PRKN: variants seen among roughly 807,000 people sequenced by gnomAD.
PRKN encodes the protein parkin RBR E3 ubiquitin protein ligase, also known as E3 ubiquitin-protein ligase parkin.
A neutral mutation model predicts 59.5 loss-of-function variants in PRKN; 56 were observed. The observed-to-expected ratio is 0.94, with a 90% confidence interval of 0.76 to 1.18. The LOEUF is 1.18. Ranked by LOEUF, PRKN falls within the 50% of genes most tolerant of loss-of-function variation. The probability of loss-of-function intolerance (pLI) is 0.00; values close to 1 mark genes in which losing one functional copy is unlikely to be tolerated. For synonymous variants in PRKN, 250 were observed against 222.1 expected (o/e 1.13, Z -1.12); for missense variants, 657 against 596.4 (o/e 1.10, Z -1.06).
intron 9 of PRKN, among the ~76,000 whole-genome samples, chr6:161,536,393 G>T (rs11755180): frequency 1.3e-5 from 2 of 151,250 alleles, no homozygotes; most frequent in Admixed American, 6.6e-5. Context: ...CGGAAAATGA[G>T]GTCATTTCCC....
chr6:162,686,978 G>GTTGTT lies in PRKN; in HGVS notation c.7+40679_7+40683dup, dbSNP rs766806437. Among the ~76,000 whole-genome samples the GTTGTT allele has an allele frequency of 2.0e-4, 30 of 151,858 alleles. 1 individual carries two copies. Among genetic ancestry groups the GTTGTT allele is most frequent in the Admixed American group, 3.3e-4 (5 of 15,248 alleles). ...GCCTGCAGCTTTGTTTTTGGTTGTT[G>GTTGTT]TTGTTTTGTTTTGCTTAGGCTTTGC... On this transcript the variant is annotated intron_variant, in intron 1 of 11. Transcript: ENST00000366898.
intron 6 of PRKN, among the ~76,000 whole-genome samples, chr6:161,951,382 T>C (rs1218170646): frequency 6.6e-6 from 1 of 151,852 alleles, no homozygotes; most frequent in Non-Finnish European, 1.5e-5. Flanking sequence ...CCTGAACTAT[T>C]AACCTTCTTC....
chr6:162,221,626 A>G (rs919634290), intron 3 of PRKN, among the ~76,000 whole-genome samples: 3 of 152,184 alleles, frequency 2.0e-5, no homozygotes, highest in Non-Finnish European at 4.4e-5. Context: ...CCAAGCCAAA[A>G]TTTGACATAG....
intron 2 of PRKN, among the ~76,000 whole-genome samples, chr6:162,313,258 T>C (rs1025617390): frequency 2.6e-5 from 4 of 152,066 alleles, no homozygotes; most frequent in African/African-American, 9.7e-5. Context: ...CATTACACAA[T>C]AACTCTCAAT....
At chr6:161,790,184 CGGG>C (rs1790583095) in intron 6 of PRKN, among the ~76,000 whole-genome samples, 1 of 152,074 alleles carries the variant, frequency 6.6e-6, no homozygotes, top group Non-Finnish European at 1.5e-5. Flanking sequence ...TTTAAAGAAA[CGGG>C]AGGATTGATG....
At chr6:162,648,490 T>C (rs1778287517) in intron 1 of PRKN, among the ~76,000 whole-genome samples, 1 of 152,050 alleles carries the variant, frequency 6.6e-6, no homozygotes, top group Admixed American at 6.6e-5. Context: ...CAAGTGATTC[T>C]CCTGCCTCAG....
chr6:162,556,704 A>T (rs913442252), intron 1 of PRKN, among the ~76,000 whole-genome samples: 2 of 143,562 alleles, frequency 1.4e-5, no homozygotes, highest in Admixed American at 1.5e-4. Context: ...CCGAGATTGC[A>T]CCACTGCACT....
chr6:162,209,245 A>C (rs905137985), intron 3 of PRKN, among the ~76,000 whole-genome samples: 5 of 152,200 alleles, frequency 3.3e-5, no homozygotes, highest in African/African-American at 9.7e-5. Flanking sequence ...AAACAAATTT[A>C]CATGAAAAAA....
intron 5 of PRKN, among the ~76,000 whole-genome samples, chr6:162,000,932 C>T (rs2128262788): frequency 6.6e-6 from 1 of 151,594 alleles, no homozygotes; most frequent in South Asian, 2.1e-4. Context: ...TTCTTTGCTT[C>T]TTTGTTAAAG....
intron 4 of PRKN, among the ~76,000 whole-genome samples, chr6:162,117,225 T>C (rs1347665948): frequency 2.0e-5 from 3 of 152,228 alleles, no homozygotes; most frequent in Admixed American, 6.5e-5. Context: ...AATCTTGTTA[T>C]GCTGGCACGT....
chr6:161,945,085 T>C (rs1466589782), intron 6 of PRKN, among the ~76,000 whole-genome samples: 1 of 147,900 alleles, frequency 6.8e-6, no homozygotes, highest in African/African-American at 2.5e-5. Context: ...CAAGATTGAC[T>C]TTAAAGCCTA....
chr6:162,303,931 G>A (rs9456758), intron 2 of PRKN, among the ~76,000 whole-genome samples: 18,696 of 152,012 alleles, frequency 0.12, 2,455 homozygotes, highest in African/African-American at 0.33. Context: ...CTTCTCTGCA[G>A]GGAATTTTTT....
intron 9 of PRKN, among the ~76,000 whole-genome samples, chr6:161,424,688 G>A (rs1788253838): frequency 6.6e-6 from 1 of 152,232 alleles, no homozygotes; most frequent in East Asian, 1.9e-4. Flanking sequence ...TGTAATTATA[G>A]CTCTTTGGCC....
intron 2 of PRKN, among the ~76,000 whole-genome samples, chr6:162,266,175 T>C (rs4623220): frequency 6.6e-6 from 1 of 152,024 alleles, no homozygotes; most frequent in Admixed American, 6.6e-5. Context: ...CAGGACTCAG[T>C]TACTTCCTGT....
rs1554267942 is a variant in PRKN at position 161,499,132 on chromosome 6, A to ATTT, written c.1083+49719_1083+49721dup. 2.9e-5 allele frequency among the ~76,000 whole-genome samples: 4 copies of ATTT among 136,564 alleles called. No individual in the cohort carries two copies. Among genetic ancestry groups the ATTT allele is most frequent in the African/African-American group, 1.1e-4 (4 of 36,806 alleles). The allele number at this position is 136,564 out of a possible 152,430, so 89.6% of individuals were successfully genotyped here. On this transcript the variant is annotated intron_variant, in intron 9 of 11. Transcript: ENST00000366898. The surrounding 1 kb of genome is among the most constrained non-coding windows in gnomAD (Gnocchi z 4.2). ...AGGGTCTGGACACACACACACACACATTTTTTTTTTTTTTTTGGCTCACAG... is the reference window on the plus strand; with the variant it reads ...AGGGTCTGGACACACACACACACACATTTTTTTTTTTTTTTTTTTGGCTCACAG...
At chr6:161,421,631 C>T (rs1788111856) in intron 9 of PRKN, among the ~76,000 whole-genome samples, 1 of 152,122 alleles carries the variant, frequency 6.6e-6, no homozygotes, top group Non-Finnish European at 1.5e-5. Flanking sequence ...ACGTTTACCC[C>T]TTGAACTGTT....
At chr6:161,793,098 G>A (rs931480807) in intron 6 of PRKN, among the ~76,000 whole-genome samples, 7 of 152,172 alleles carry the variant, frequency 4.6e-5, no homozygotes, top group Admixed American at 1.3e-4. Flanking sequence ...TTAGCCAAGT[G>A]AGCAACCCCC....
chr6:161,569,254 A>G lies in PRKN; in HGVS notation c.933+101T>C, dbSNP rs113114509. On this transcript the variant is annotated intron_variant, in intron 8 of 11. Coordinates refer to ENST00000366898, the MANE Select transcript of PRKN (RefSeq NM_004562.3). Reference sequence around the variant, plus strand: ...TTTTCTTCCCCATTTCAGGGCACCCAGGGTCAGGAGACATACTCGGCCTCC... The same window carrying G: ...TTTTCTTCCCCATTTCAGGGCACCCGGGGTCAGGAGACATACTCGGCCTCC... 3.0e-3 allele frequency: 2,991 copies of G among 1,012,922 alleles called. 46 individuals are homozygous for G. In the African/African-American group the frequency reaches 0.038, roughly 13 times the overall value. 62.7% of individuals were successfully genotyped at this position (1,012,922 alleles called of 1,614,324 possible).
intron 6 of PRKN, among the ~76,000 whole-genome samples, chr6:161,939,576 A>G (rs1779481664): frequency 6.6e-6 from 1 of 151,716 alleles, no homozygotes; most frequent in African/African-American, 2.4e-5. Context: ...TACCAAAAAT[A>G]CAAAAATTAG....
Sources: allele counts gnomAD v4.1 joint callset (sites outside exome capture counted in the v4.1 genomes callset), GRCh38; gene constraint gnomAD v4.1.1; non-coding constraint Gnocchi (gnomAD v3.1); transcripts MANE v1.5; gene names NCBI Gene and HGNC (gene_info 2026-07-23, HGNC 2026-07-21).